Variants in MARK1 observed in about 807,000 individuals in gnomAD.
MARK1 encodes the protein microtubule affinity regulating kinase 1.
A neutral mutation model predicts 96.3 loss-of-function variants in MARK1; 40 were observed. The observed-to-expected ratio is 0.42, with a 90% CI of 0.32 to 0.54. The LOEUF (loss-of-function observed/expected upper bound fraction) is 0.54. Ranked by LOEUF, MARK1 falls within the 20% of genes least tolerant of loss-of-function variation. MARK1 has a pLI of 0.16. For missense variants in MARK1, 719 were observed against 984.6 expected, an observed-to-expected ratio of 0.73 and a Z score of 3.61; for synonymous variants, 317 against 341.2, an observed-to-expected ratio of 0.93 and a Z score of 0.78.
intron 12 of MARK1, 78 bp downstream of exon 12, chr1:220,635,607 C>A: frequency 1.4e-6 from 2 of 1,456,266 alleles, no homozygotes; most frequent in South Asian, 1.3e-5. Context: ...TGTACATTCA[C>A]GTCTCTATGT....
intron 1 of MARK1, among the ~76,000 whole-genome samples, chr1:220,560,189 G>GT (rs1662570379): frequency 6.6e-6 from 1 of 152,154 alleles, no homozygotes; most frequent in East Asian, 1.9e-4. Context: ...CCCATGATTC[G>GT]TTTATCTCCC....
At chr1:220,546,053 C>T (rs976960958) in intron 1 of MARK1, among the ~76,000 whole-genome samples, 5 of 152,120 alleles carry the variant, frequency 3.3e-5, no homozygotes, top group Non-Finnish European at 7.3e-5. Context: ...AGTCCTTGGC[C>T]TGTCATTTGC....
At chr1:220,558,844 C>T (rs552034708) in intron 1 of MARK1, among the ~76,000 whole-genome samples, 8 of 152,166 alleles carry the variant, frequency 5.3e-5, no homozygotes, top group South Asian at 4.1e-4. Flanking sequence ...GAGTCGTATA[C>T]TCTCAAAACA....
intron 13 of MARK1, among the ~76,000 whole-genome samples, chr1:220,648,717 C>T (rs1293138445): frequency 6.6e-6 from 1 of 152,300 alleles, no homozygotes; most frequent in Non-Finnish European, 1.5e-5. Context: ...ATTCATATGA[C>T]AGTTTGGCCA....
At chr1:220,589,443 G>A (rs939351807) in intron 3 of MARK1, among the ~76,000 whole-genome samples, 1 of 152,180 alleles carries the variant, frequency 6.6e-6, no homozygotes, top group Non-Finnish European at 1.5e-5. Flanking sequence ...ATGGAGTTTG[G>A]CTAACCCTGA....
intron 1 of MARK1, among the ~76,000 whole-genome samples, chr1:220,542,421 G>T (rs898606209): frequency 2.0e-5 from 3 of 152,162 alleles, no homozygotes; most frequent in South Asian, 2.1e-4. Flanking sequence ...CACTATGGTT[G>T]TTTCTTATTG....
intron 3 of MARK1, among the ~76,000 whole-genome samples, chr1:220,588,608 A>G (rs181448197): frequency 5.8e-4 from 89 of 152,328 alleles, no homozygotes; most frequent in Admixed American, 5.1e-3. Flanking sequence ...GCTAGCAATA[A>G]TTTTACAAAA....
At chr1:220,656,202 C>T (rs1669165344) in intron 16 of MARK1, among the ~76,000 whole-genome samples, 1 of 152,186 alleles carries the variant, frequency 6.6e-6, no homozygotes, top group African/African-American at 2.4e-5. Flanking sequence ...GCTCCATCTG[C>T]CTCCTACCAT....
chr1:220,628,413 C>A (rs1039942344), intron 9 of MARK1, among the ~76,000 whole-genome samples: 2 of 152,282 alleles, frequency 1.3e-5, no homozygotes, highest in South Asian at 2.1e-4. Flanking sequence ...CCTAGTGCCA[C>A]CACTCCACTG....
intron 13 of MARK1, 77 bp downstream of exon 13, chr1:220,636,103 ATTTT>A: frequency 9.8e-7 from 1 of 1,023,084 alleles, no homozygotes; most frequent in Non-Finnish European, 1.4e-6. Context: ...TTTATCTTTC[ATTTT>A]TTTAAATGAT....
At chr1:220,635,220 A>G (rs1460004071) in intron 11 of MARK1, among the ~76,000 whole-genome samples, 156 bp from the exon 12 acceptor site, 1 of 152,072 alleles carries the variant, frequency 6.6e-6, no homozygotes, top group Non-Finnish European at 1.5e-5. Context: ...CCTGCTTGCC[A>G]ACTTAAAGTT....
chr1:220,656,750 G>A (rs1428514133), intron 16 of MARK1, among the ~76,000 whole-genome samples: 1 of 152,030 alleles, frequency 6.6e-6, no homozygotes, highest in African/African-American at 2.4e-5. Flanking sequence ...TTGAATGTGA[G>A]AATACATTTT....
At chr1:220,613,851 C>A (rs1558298612) in intron 6 of MARK1, among the ~76,000 whole-genome samples, 1 of 152,106 alleles carries the variant, frequency 6.6e-6, no homozygotes, top group Non-Finnish European at 1.5e-5. Flanking sequence ...TTCTGCAGTA[C>A]CTGCCTAGTT....
intron 13 of MARK1, among the ~76,000 whole-genome samples, chr1:220,639,608 C>T (rs529872488): frequency 2.0e-5 from 3 of 152,068 alleles, no homozygotes; most frequent in Admixed American, 1.3e-4. Flanking sequence ...TATGTGACTT[C>T]TTTTTAACCT....
At chr1:220,625,688 C>A in intron 9 of MARK1, 1 of 361,170 alleles carries the variant, frequency 2.8e-6, no homozygotes, top group Non-Finnish European at 5.5e-6. Context: ...ATTCCCATAC[C>A]TTAAACATTA....
At chr1:220,541,385 G>T (rs1661136774) in intron 1 of MARK1, among the ~76,000 whole-genome samples, 1 of 152,128 alleles carries the variant, frequency 6.6e-6, no homozygotes, top group African/African-American at 2.4e-5. Flanking sequence ...TTTATATTGT[G>T]CTGCTATTGG....
At chr1:220,550,889 A>G (rs1166538168) in intron 1 of MARK1, among the ~76,000 whole-genome samples, 3 of 152,218 alleles carry the variant, frequency 2.0e-5, no homozygotes, top group Non-Finnish European at 4.4e-5. Context: ...GTGATACAGA[A>G]TAAAGCTTTT....
intron 1 of MARK1, among the ~76,000 whole-genome samples, chr1:220,551,810 A>T (rs1661881517): frequency 6.6e-6 from 1 of 152,208 alleles, no homozygotes. Context: ...ATGTGGTTGT[A>T]GGTGGTATTT....
At chr1:220,597,868 A>C (rs1292580810) in intron 3 of MARK1, among the ~76,000 whole-genome samples, 3 of 152,218 alleles carry the variant, frequency 2.0e-5, no homozygotes, top group Admixed American at 1.3e-4. Flanking sequence ...AATCTACCTA[A>C]AAACCTTACT....
Sources: gnomAD v4.1 joint callset for allele counts (sites outside exome capture counted in the v4.1 genomes callset) on GRCh38, gnomAD v4.1.1 for gene constraint, MANE v1.5 for transcripts, NCBI Gene and HGNC (gene_info 2026-07-23, HGNC 2026-07-21) for gene names.